HS6ST3: variants seen among roughly 807,000 people sequenced by gnomAD.
The protein encoded by HS6ST3 is heparan sulfate 6-O-sulfotransferase 3.
In HS6ST3, 12 loss-of-function variants were observed where a neutral mutation model predicts 36.7. The ratio of observed to expected loss-of-function variants is 0.33; its 90% CI spans 0.21 to 0.53. The LOEUF is 0.53. Ranked by LOEUF, HS6ST3 falls within the 20% of genes least tolerant of loss-of-function variation. HS6ST3 has a pLI of 0.95. For missense variants in HS6ST3, 584 were observed against 640.9 expected, an observed-to-expected ratio of 0.91 and a Z score of 0.96; for synonymous variants, 240 against 257.5, an observed-to-expected ratio of 0.93 and a Z score of 0.65.
intron 1 of HS6ST3, among the ~76,000 whole-genome samples, chr13:96,771,185 A>G (rs988553154): frequency 3.3e-5 from 5 of 149,710 alleles, no homozygotes; most frequent in African/African-American, 1.2e-4. Flanking sequence ...AAAAACCAAC[A>G]CCGCATGTTC....
intron 1 of HS6ST3, among the ~76,000 whole-genome samples, chr13:96,487,652 G>T (rs549867871): frequency 4.6e-5 from 7 of 152,104 alleles, no homozygotes; most frequent in African/African-American, 1.4e-4. Flanking sequence ...GGCCATGTTT[G>T]GTATCCATAT....
intron 1 of HS6ST3, among the ~76,000 whole-genome samples, chr13:96,355,168 G>A (rs924899616): frequency 2.6e-5 from 4 of 152,154 alleles, no homozygotes; most frequent in Middle Eastern, 3.4e-3. Context: ...AAGAATCTGG[G>A]CAAAGTAAAT....
chr13:96,207,421 A>G (rs1441339437), intron 1 of HS6ST3, among the ~76,000 whole-genome samples: 1 of 152,118 alleles, frequency 6.6e-6, no homozygotes, highest in Non-Finnish European at 1.5e-5. Context: ...GACAGCGTGC[A>G]GTTCCTCAGA....
intron 1 of HS6ST3, among the ~76,000 whole-genome samples, chr13:96,338,747 CTCTT>C (rs1391677597): frequency 1.3e-5 from 2 of 152,126 alleles, no homozygotes; most frequent in Non-Finnish European, 2.9e-5. Flanking sequence ...CTCCTTCTCT[CTCTT>C]TATAGTTGTA....
intron 1 of HS6ST3, among the ~76,000 whole-genome samples, chr13:96,663,921 C>A (rs2056654978): frequency 6.6e-6 from 1 of 151,942 alleles, no homozygotes; most frequent in Admixed American, 6.6e-5. Flanking sequence ...ATAAGATATC[C>A]ATAAAAGGCA....
chr13:96,496,248 G>A (rs2055975092), intron 1 of HS6ST3, among the ~76,000 whole-genome samples: 1 of 152,142 alleles, frequency 6.6e-6, no homozygotes, highest in East Asian at 1.9e-4. Flanking sequence ...TTCTTCTTGG[G>A]GATGGAGTGA....
chr13:96,609,444 G>T (rs1280703568), intron 1 of HS6ST3, among the ~76,000 whole-genome samples: 3 of 152,056 alleles, frequency 2.0e-5, no homozygotes, highest in Non-Finnish European at 4.4e-5. Flanking sequence ...TTTGAAGCAG[G>T]CTATGGATGT....
intron 1 of HS6ST3, among the ~76,000 whole-genome samples, chr13:96,541,981 TTG>T (rs1045239700): frequency 6.6e-6 from 1 of 152,204 alleles, no homozygotes; most frequent in Non-Finnish European, 1.5e-5. Context: ...TCTGGGAGTT[TTG>T]TGTTTGCTTT....
At chr13:96,739,787 C>A (rs949803956) in intron 1 of HS6ST3, among the ~76,000 whole-genome samples, 1 of 152,156 alleles carries the variant, frequency 6.6e-6, no homozygotes, top group African/African-American at 2.4e-5. Context: ...TAGATCATGT[C>A]ACTCCTTGCT....
chr13:96,466,717 T>G (rs1419464895), intron 1 of HS6ST3, among the ~76,000 whole-genome samples: 1 of 152,212 alleles, frequency 6.6e-6, no homozygotes, highest in Non-Finnish European at 1.5e-5. Flanking sequence ...GGTAATCATT[T>G]CACAGTACAT....
intron 1 of HS6ST3, among the ~76,000 whole-genome samples, chr13:96,678,460 G>T (rs2056706771): frequency 6.6e-6 from 1 of 152,088 alleles, no homozygotes; most frequent in African/African-American, 2.4e-5. Flanking sequence ...GGATCATGAG[G>T]TCAGAAGTTC....
intron 1 of HS6ST3, among the ~76,000 whole-genome samples, chr13:96,592,020 A>T (rs1337726834): frequency 6.6e-6 from 1 of 152,162 alleles, no homozygotes; most frequent in Non-Finnish European, 1.5e-5. Flanking sequence ...CAAATGTTGC[A>T]GCATCTTTGC....
At chr13:96,761,661 C>T (rs577028924) in intron 1 of HS6ST3, among the ~76,000 whole-genome samples, 2 of 152,236 alleles carry the variant, frequency 1.3e-5, no homozygotes, top group South Asian at 4.1e-4. Flanking sequence ...TAGTTCATAT[C>T]TTCACAATTT....
intron 1 of HS6ST3, among the ~76,000 whole-genome samples, chr13:96,704,005 C>T (rs982850170): frequency 2.0e-5 from 3 of 152,128 alleles, no homozygotes; most frequent in African/African-American, 7.2e-5. Flanking sequence ...CTGAGGCCTC[C>T]CCAGCCATGT....
intron 1 of HS6ST3, among the ~76,000 whole-genome samples, chr13:96,791,208 C>G (rs80228178): frequency 0.014 from 2,106 of 152,126 alleles, 57 homozygotes; most frequent in African/African-American, 0.048. Flanking sequence ...CTTGACGAAC[C>G]TCTATTACAT....
intron 1 of HS6ST3, among the ~76,000 whole-genome samples, chr13:96,721,010 A>AT (rs1875833931): frequency 1.3e-5 from 2 of 152,228 alleles, no homozygotes; most frequent in African/African-American, 4.8e-5. Context: ...CATAAAATTT[A>AT]TAGAAAGACT....
intron 1 of HS6ST3, among the ~76,000 whole-genome samples, chr13:96,372,665 T>C (rs2055295504): frequency 6.6e-6 from 1 of 152,180 alleles, no homozygotes; most frequent in African/African-American, 2.4e-5. Context: ...TTGTGTATAG[T>C]GTAAGAGAAG....
At position 96,615,874 on chromosome 13, in the gene HS6ST3, A is replaced by C. The variant is rs192101023; in HGVS notation, c.708-216616A>C. Among the ~76,000 whole-genome samples the C allele has an allele frequency of 7.2e-5, 11 of 152,312 alleles. No homozygotes were observed. In the East Asian group the frequency reaches 1.4e-3, roughly 19 times the overall value. The stretch of plus-strand genomic sequence containing the variant: ...TATGTGACCTGAGTTTACTCTGGGA[A>C]AGCAGTTGCTCCATGGAAGTGATCC... On this transcript the variant is annotated intron_variant, in intron 1 of 1. Coordinates refer to ENST00000376705, the MANE Select transcript of HS6ST3 (RefSeq NM_153456.4).
intron 1 of HS6ST3, among the ~76,000 whole-genome samples, chr13:96,740,252 G>A: frequency 6.6e-6 from 1 of 152,132 alleles, no homozygotes; most frequent in East Asian, 1.9e-4. Context: ...CACATATAGA[G>A]TGCTCAGTAA....
Sources: gnomAD v4.1 joint callset for allele counts (sites outside exome capture counted in the v4.1 genomes callset) on GRCh38, gnomAD v4.1.1 for gene constraint, MANE v1.5 for transcripts, NCBI Gene and HGNC (gene_info 2026-07-23, HGNC 2026-07-21) for gene names.